NABP2: variants seen among roughly 807,000 people sequenced by gnomAD.
NABP2 encodes SOSS complex subunit B1.
NABP2 carries 7 observed loss-of-function variants against 22.7 expected under a neutral mutation model. That is an observed-to-expected ratio of 0.31 (90% CI 0.18 to 0.58). The LOEUF (loss-of-function observed/expected upper bound fraction) is 0.58. NABP2 is among the 20% of genes least tolerant of loss of function. The probability of loss-of-function intolerance (pLI) is 0.89; values close to 1 mark genes in which losing one functional copy is unlikely to be tolerated. For synonymous variants in NABP2, 107 were observed against 99.2 expected, an observed-to-expected ratio of 1.08 and a Z score of -0.47; for missense variants, 188 against 265.9, an observed-to-expected ratio of 0.71 and a Z score of 2.04.
rs114489866 is a variant in NABP2 at position 56,227,353 on chromosome 12, G to A, written c.436+934G>A. On this transcript the variant is annotated intron_variant, in intron 6 of 6. Coordinates refer to ENST00000267023, the MANE Select transcript of NABP2 (RefSeq NM_024068.4). ...ATCATGCCACTGCACTCCAGCTTGC[G>A]CGACAGTGAGACTCTTTCTCAAAAA... 6.2e-3 allele frequency among the ~76,000 whole-genome samples: 926 copies of A among 149,260 alleles called. 12 individuals carry two copies. The highest frequency in any genetic ancestry group is 0.022 in the African/African-American group (892 of 40,044).
chr12:56,223,882 T>A (rs1369415233), upstream of NABP2, among the ~76,000 whole-genome samples: 1 of 152,230 alleles, frequency 6.6e-6, no homozygotes, highest in Admixed American at 6.5e-5. Context: ...CTGGAACTCC[T>A]GGACTCATGC....
chr12:56,229,111 A>G lies in NABP2; in HGVS notation c.534A>G (p.Arg178=). ...CTCCCTCCCACCCACCCAGCACCCG[A>G]ATCACTCGAAGCCAGCCCAACCACA... is the stretch of plus-strand genomic sequence containing the variant. ...PHTPSHPPST[R]ITRSQPNHTP... The change falls in exon 7 of 7, where the codon CGA becomes CGG. Residue 178 remains arginine, a synonymous_variant. Coordinates refer to ENST00000267023, the MANE Select transcript of NABP2 (RefSeq NM_024068.4). The G allele has an allele frequency of 2.1e-6, 1 of 484,632 alleles. No homozygotes were observed. Among genetic ancestry groups the G allele is most frequent in the Non-Finnish European group, 3.8e-6 (1 of 263,748 alleles). The allele number at this position is 484,632 out of a possible 1,614,324, so 30.0% of individuals were successfully genotyped here.
upstream of NABP2, chr12:56,223,786 T>C (rs1869624137): frequency 6.6e-6 from 1 of 152,166 alleles, no homozygotes; most frequent in Non-Finnish European, 1.5e-5. Context: ...ATAACTTCCG[T>C]TTTCTCGTAA....
At chr12:56,226,001 C>A (rs1167722565) in intron 4 of NABP2, among the ~76,000 whole-genome samples, 178 bp from the exon 5 acceptor site, 1 of 152,022 alleles carries the variant, frequency 6.6e-6, no homozygotes, top group Non-Finnish European at 1.5e-5. Flanking sequence ...GGGGTTTCGC[C>A]ATGTTGCCCA....
chr12:56,226,547 T>G, intron 6 of NABP2, 128 bp downstream of exon 6: 15 of 440,410 alleles, frequency 3.4e-5, no homozygotes, highest in Non-Finnish European at 3.2e-5. Flanking sequence ...CACCCAATTC[T>G]CCCAGACCCC....
chr12:56,224,988 G>A, intron 2 of NABP2, 53 bp downstream of exon 2: 2 of 1,253,030 alleles, frequency 1.6e-6, no homozygotes, highest in South Asian at 1.2e-5. Flanking sequence ...GGCAGGAGGG[G>A]AAGAACGCTG....
At chr12:56,226,143 T>C (rs1440998750) in intron 4 of NABP2, 36 bp from the exon 5 acceptor site, 2 of 1,600,666 alleles carry the variant, frequency 1.2e-6, no homozygotes, top group South Asian at 2.2e-5. Context: ...GCCCAGAGGA[T>C]GAATTCAAGG....
chr12:56,224,230 C>G (rs1179646244), upstream of NABP2: 2 of 688,418 alleles, frequency 2.9e-6, no homozygotes. Context: ...TCGCGGCGCA[C>G]GAGTCTCTGA....
chr12:56,225,272 C>T, intron 2 of NABP2, 101 bp from the exon 3 acceptor site: 2 of 1,502,978 alleles, frequency 1.3e-6, no homozygotes. Context: ...TGTTTGTACA[C>T]CTTTTCCCTC....
chr12:56,222,175 C>T (rs936547606), upstream of NABP2: 9 of 152,332 alleles, frequency 5.9e-5, no homozygotes, highest in Non-Finnish European at 8.8e-5. Flanking sequence ...CCTGGCCGGC[C>T]ACGCTTCGCT....
At chr12:56,225,594 A>G in intron 3 of NABP2, 30 bp from the exon 4 acceptor site, 2 of 1,614,156 alleles carry the variant, frequency 1.2e-6, no homozygotes, top group Non-Finnish European at 1.7e-6. Context: ...ACTTCTGAGT[A>G]CTGAATTTTG....
chr12:56,229,087 T>TTGCCA lies in NABP2; in HGVS notation c.510_511insTGCCA (p.Pro171CysfsTer64). ...GTGGTGGCCCACATCCCCCTCATAC[T>TTGCCA]CCCTCCCACCCACCCAGCACCCGAA... On this transcript the variant is annotated frameshift_variant, in exon 7 of 7. Coordinates refer to ENST00000267023, the MANE Select transcript of NABP2 (RefSeq NM_024068.4). LOFTEE classifies it high-confidence loss of function. The TTGCCA allele has an allele frequency of 5.3e-6, 8 of 1,512,302 alleles. No homozygotes were observed. Among genetic ancestry groups the TTGCCA allele is most frequent in the Non-Finnish European group, 7.3e-6 (8 of 1,101,970 alleles). The allele number at this position is 1,512,302 out of a possible 1,614,324, so 93.7% of individuals were successfully genotyped here.
chr12:56,225,033 C>A, intron 2 of NABP2, 98 bp downstream of exon 2: 2 of 891,986 alleles, frequency 2.2e-6, no homozygotes, highest in Non-Finnish European at 1.8e-6. Flanking sequence ...GATGGCAAGG[C>A]AAGCTGCAAG....
chr12:56,224,548 C>T, intron 1 of NABP2, 107 bp downstream of exon 1: 2 of 1,199,612 alleles, frequency 1.7e-6, no homozygotes, highest in Non-Finnish European at 2.1e-6. Flanking sequence ...TGGCTGTGCA[C>T]CGGGTTCCCT....
At chr12:56,228,923 G>A in intron 6 of NABP2, 91 bp from the exon 7 acceptor site, 2 of 1,198,104 alleles carry the variant, frequency 1.7e-6, no homozygotes, top group South Asian at 2.6e-5. Flanking sequence ...GGTGAAGACT[G>A]TGCCACTCTT....
intron 6 of NABP2, among the ~76,000 whole-genome samples, chr12:56,228,192 C>G (rs1054875831): frequency 8.6e-5 from 13 of 151,732 alleles, no homozygotes; most frequent in African/African-American, 3.1e-4. Context: ...AACTCCAACT[C>G]AAAAAAATAA....
At position 56,229,102 on chromosome 12, in the gene NABP2, C is replaced by CCCA; in HGVS notation, c.525_526insCCA (p.Pro175dup). On this transcript the variant is annotated inframe_insertion, in exon 7 of 7. Coordinates refer to ENST00000267023, the MANE Select transcript of NABP2 (RefSeq NM_024068.4). Reference sequence around the variant, plus strand: ...CCCCTCATACTCCCTCCCACCCACCCAGCACCCGAATCACTCGAAGCCAGC... The same window carrying CCCA: ...CCCCTCATACTCCCTCCCACCCACCCCCAAGCACCCGAATCACTCGAAGCCAGC... The CCCA allele has an allele frequency of 6.3e-7, 1 of 1,599,298 alleles. No individual in the cohort carries two copies.
In NABP2 at chr12:56,229,462, C is replaced by A. The variant is rs995304979; in HGVS notation, c.*249C>A. The A allele has an allele frequency of 1.8e-5, 9 of 505,752 alleles. No individual in the cohort carries two copies. The highest frequency in any genetic ancestry group is 1.5e-4 in the African/African-American group (8 of 51,760). The allele number at this position is 505,752 out of a possible 1,614,324, so 31.3% of individuals were successfully genotyped here. On this transcript the variant is annotated 3_prime_UTR_variant, in exon 7 of 7. Transcript: ENST00000267023. Reference sequence around the variant, plus strand: ...AGAAATGGCAGTTACTGGCTGGGCGCAGTGGCTCACGCTTGTAATCCCAGC... The same window carrying A: ...AGAAATGGCAGTTACTGGCTGGGCGAAGTGGCTCACGCTTGTAATCCCAGC...
upstream of NABP2, among the ~76,000 whole-genome samples, chr12:56,223,009 G>C (rs930297772): frequency 1.3e-5 from 2 of 152,182 alleles, no homozygotes; most frequent in Admixed American, 1.3e-4. Context: ...ACCGAGGCTG[G>C]TGGATCACGA....
Sources: gnomAD v4.1 joint callset for allele counts (sites outside exome capture counted in the v4.1 genomes callset) on GRCh38, gnomAD v4.1.1 for gene constraint, MANE v1.5 for transcripts, NCBI Gene and HGNC (gene_info 2026-07-23, HGNC 2026-07-21) for gene names.